DNAH7: variants seen among roughly 807,000 people sequenced by gnomAD.
DNAH7 encodes axonemal beta dynein heavy chain 7.
A neutral mutation model predicts 444.6 loss-of-function variants in DNAH7; 397 were observed. The ratio of observed to expected loss-of-function variants is 0.89; its 90% CI spans 0.82 to 0.97. DNAH7 has a LOEUF of 0.97. Ranked by LOEUF, DNAH7 falls within the 50% of genes least tolerant of loss-of-function variation. DNAH7 has a pLI of 0.00. For missense variants in DNAH7, 4,902 were observed against 4,800.8 expected, an observed-to-expected ratio of 1.02 and a Z score of -0.62; for synonymous variants, 1,636 against 1,624.4, an observed-to-expected ratio of 1.01 and a Z score of -0.17.
At chr2:195,853,588 C>A in intron 45 of DNAH7, 60 bp from the exon 46 acceptor site, 2 of 1,469,474 alleles carry the variant, frequency 1.4e-6, no homozygotes, top group African/African-American at 1.4e-5. Context: ...TAAAATTCTG[C>A]AAGATTTTAC....
Position 195,815,934 on chromosome 2 carries a change from G to A in DNAH7, c.9761+694C>T, listed in dbSNP as rs552706478. ...TGTGAACCCGGGAGGCGGAGTTTGC[G>A]TGAGCCGAGATTGCGCCACTGCACT... On this transcript the variant is annotated intron_variant, in intron 51 of 64. Transcript: ENST00000312428. 1.1e-3 allele frequency among the ~76,000 whole-genome samples: 167 copies of A among 152,258 alleles called. 2 individuals carry two copies. The highest frequency in any genetic ancestry group is 3.8e-3 in the African/African-American group (158 of 41,566).
chr2:196,063,290 C>T (rs1464162103), intron 1 of DNAH7: 1 of 152,248 alleles, frequency 6.6e-6, no homozygotes, highest in Non-Finnish European at 1.5e-5. Flanking sequence ...TTCTTGCCAT[C>T]ATGTGACCTG....
At chr2:195,954,773 G>A (rs1207345568) in intron 19 of DNAH7, among the ~76,000 whole-genome samples, 2 of 152,132 alleles carry the variant, frequency 1.3e-5, no homozygotes, top group Non-Finnish European at 2.9e-5. Context: ...TTTCTCTGAT[G>A]GCCAGTGATG....
At chr2:195,982,270 T>A (rs1345281024) in intron 15 of DNAH7, among the ~76,000 whole-genome samples, 1 of 152,116 alleles carries the variant, frequency 6.6e-6, no homozygotes, top group African/African-American at 2.4e-5. Flanking sequence ...AAATCAAAAC[T>A]ACAATGACAT....
intron 40 of DNAH7, among the ~76,000 whole-genome samples, chr2:195,869,418 T>G (rs1700545469): frequency 6.6e-6 from 1 of 151,900 alleles, no homozygotes; most frequent in Non-Finnish European, 1.5e-5. Flanking sequence ...GAGGAAAATC[T>G]CTGCTCTCAT....
chr2:195,851,327 A>G (rs998953470), intron 46 of DNAH7, among the ~76,000 whole-genome samples: 5 of 152,186 alleles, frequency 3.3e-5, no homozygotes, highest in African/African-American at 4.8e-5. Flanking sequence ...AGGAAAGTAA[A>G]AATTCAGGTT....
chr2:196,027,478 C>A (rs1695762099), intron 6 of DNAH7, among the ~76,000 whole-genome samples: 1 of 151,692 alleles, frequency 6.6e-6, no homozygotes. Context: ...CATTTAACTT[C>A]AATATACGTT....
At chr2:195,776,056 G>A (rs1020636321) in intron 59 of DNAH7, 73 bp from the exon 60 acceptor site, 7 of 1,564,834 alleles carry the variant, frequency 4.5e-6, no homozygotes, top group Non-Finnish European at 6.1e-6. Context: ...CAGAAAAGAG[G>A]CAGTTTTCAA....
intron 22 of DNAH7, among the ~76,000 whole-genome samples, chr2:195,924,171 T>A (rs561202626): frequency 1.3e-5 from 2 of 152,202 alleles, no homozygotes; most frequent in South Asian, 4.2e-4. Context: ...GACTGCTATA[T>A]AGATTGAGAG....
rs1338728754 is a variant in DNAH7, at chr2:195,864,978, C to T, written c.6677G>A (p.Arg2226Lys). 6.2e-7 allele frequency: 1 copy of T among 1,605,396 alleles called. No individual in the cohort carries two copies. Among genetic ancestry groups the T allele is most frequent in the Non-Finnish European group, 8.5e-7 (1 of 1,179,914 alleles). ...TTGAATGTAGTTGATGAGCCAGCTT[C>T]TGTCTGTATTGTCCAGAAGGCGGTC... ...YYDRLLDNTD[R>K]SWLINYIQEI... is the part of the protein sequence containing the mutation. Residue 2226 changes from arginine (R) to lysine (K), a missense_variant, in exon 41 of 65, where the codon AGA becomes AAA. Arg to Lys is a conservative substitution (Grantham distance 26). Coordinates refer to ENST00000312428, the MANE Select transcript of DNAH7 (RefSeq NM_018897.3).
chr2:195,994,069 G>A (rs187134248), intron 12 of DNAH7, among the ~76,000 whole-genome samples: 7 of 152,200 alleles, frequency 4.6e-5, no homozygotes, highest in African/African-American at 1.7e-4. Context: ...TGTGCATTTA[G>A]ACAAGTTGTT....
In DNAH7 at chr2:195,969,421, T is replaced by C. The variant is rs530669055; in HGVS notation, c.2205+527A>G. Among the ~76,000 whole-genome samples the C allele has an allele frequency of 3.3e-5, 5 of 152,332 alleles. No individual in the cohort carries two copies. The South Asian group carries it at 8.3e-4, about 25-fold the overall frequency. The stretch of plus-strand genomic sequence containing the variant: ...AAAATACAATTAAACTCTGTAAATA[T>C]CTTATATGGCAAAGGGTATGGCTCT... On this transcript the variant is annotated intron_variant, in intron 17 of 64. Transcript: ENST00000312428.
intron 17 of DNAH7, among the ~76,000 whole-genome samples, chr2:195,962,671 T>G (rs1344982477): frequency 6.6e-6 from 1 of 152,200 alleles, no homozygotes; most frequent in Non-Finnish European, 1.5e-5. Flanking sequence ...TATTTTTAAA[T>G]GTGCAATTAA....
chr2:195,952,672 C>A (rs145116182), intron 19 of DNAH7, among the ~76,000 whole-genome samples: 2,572 of 152,046 alleles, frequency 0.017, 36 homozygotes, highest in Non-Finnish European at 0.028. Context: ...TGCTTTATTT[C>A]ATTAAGTTGC....
intron 2 of DNAH7, among the ~76,000 whole-genome samples, chr2:196,054,750 TC>T (rs1286709772): frequency 6.6e-6 from 1 of 152,088 alleles, no homozygotes; most frequent in Admixed American, 6.5e-5. Context: ...GGGAGCAGTT[TC>T]CCCCATGCTA....
At position 195,809,842 on chromosome 2, in the gene DNAH7, TAAGTA is replaced by T; in HGVS notation, c.9786_9790del (p.Phe3262LeufsTer6). 1 of 1,581,872 alleles carries T rather than the reference TAAGTA, an allele frequency of 6.3e-7. No individual in the cohort carries two copies. Among genetic ancestry groups the T allele is most frequent in the Non-Finnish European group, 8.6e-7 (1 of 1,163,928 alleles). The stretch of plus-strand genomic sequence containing the variant: ...CCGGCAGACATTAACATACAGTGAA[TAAGTA>T]AAGTGATCCTTGAGAATCTGAAGCC... On this transcript the variant is annotated frameshift_variant, in exon 52 of 65. Transcript: ENST00000312428. LOFTEE classifies it high-confidence loss of function.
chr2:195,879,665 A>C (rs968822786), intron 36 of DNAH7, among the ~76,000 whole-genome samples: 2 of 152,114 alleles, frequency 1.3e-5, no homozygotes, highest in African/African-American at 4.8e-5. Context: ...AATTAAGTAC[A>C]TACTTATAAA....
chr2:195,744,578 C>T (rs577398824), intron 63 of DNAH7, among the ~76,000 whole-genome samples: 136 of 152,322 alleles, frequency 8.9e-4, no homozygotes, highest in African/African-American at 3.1e-3. Flanking sequence ...CCCTCACCCC[C>T]GAGCAGCCTA....
At chr2:196,010,950 A>G (rs547816685) in intron 10 of DNAH7, among the ~76,000 whole-genome samples, 1 of 152,192 alleles carries the variant, frequency 6.6e-6, no homozygotes, top group African/African-American at 2.4e-5. Context: ...AGCTAAAAAA[A>G]CATTGATGTC....
Sources: gnomAD v4.1 joint callset for allele counts (sites outside exome capture counted in the v4.1 genomes callset) on GRCh38, gnomAD v4.1.1 for gene constraint, MANE v1.5 for transcripts, NCBI Gene and HGNC (gene_info 2026-07-23, HGNC 2026-07-21) for gene names.